The following RBFOX1 variants were observed in gnomAD, a reference collection of about 807,000 sequenced individuals.
RBFOX1 encodes the protein RNA binding fox-1 homolog 1.
A neutral mutation model predicts 57.7 loss-of-function variants in RBFOX1; 8 were observed. The observed-to-expected ratio is 0.14, with a 90% CI of 0.08 to 0.25. The LOEUF (loss-of-function observed/expected upper bound fraction) is 0.25. RBFOX1 is among the 10% of genes least tolerant of loss of function. RBFOX1 has a pLI of 1.00. For missense variants in RBFOX1, 611 were observed against 548.5 expected (o/e 1.11, Z -1.14); for synonymous variants, 326 against 222.4 (o/e 1.47, Z -4.15).
rs74010650 is a variant in RBFOX1 at position 7,352,338 on chromosome 16, C to G, written c.28-165809C>G. Among the ~76,000 whole-genome samples, 1,340 of 152,252 alleles carry G rather than the reference C, an allele frequency of 8.8e-3. 24 individuals carry two copies. Among genetic ancestry groups the G allele is most frequent in the African/African-American group, 0.031 (1,279 of 41,540 alleles). ...CCTTCCACTCTGGGCCTGATGATGA[C>G]CAAGTCGGAGAGAACTGAAGCTATA... is the stretch of plus-strand genomic sequence containing the variant. On this transcript the variant is annotated intron_variant, in intron 4 of 15. Transcript: ENST00000550418.
intron 5 of RBFOX1, among the ~76,000 whole-genome samples, chr16:7,555,225 C>G (rs1331946801): frequency 6.6e-6 from 1 of 152,162 alleles, no homozygotes; most frequent in African/African-American, 2.4e-5. Flanking sequence ...CACTTTTCTC[C>G]TTTGTTAAAA....
At position 7,427,271 on chromosome 16, in the gene RBFOX1, TAATAA is replaced by T. The variant is rs1044165403; in HGVS notation, c.28-90863_28-90859del. On this transcript the variant is annotated intron_variant, in intron 4 of 15. Coordinates refer to ENST00000550418, the MANE Select transcript of RBFOX1 (RefSeq NM_018723.4). Reference sequence around the variant, plus strand: ...CTAGAACTTAAAGTATAATAAAAATTAATAAAATAAAATAAAACCTCGAGTTTCTG... The same window carrying T: ...CTAGAACTTAAAGTATAATAAAAATTAATAAAATAAAACCTCGAGTTTCTG... 1.1e-3 allele frequency among the ~76,000 whole-genome samples: 162 copies of T among 152,228 alleles called. 1 individual carries two copies. Among genetic ancestry groups the T allele is most frequent in the Middle Eastern group, 3.4e-3 (1 of 294 alleles).
At chr16:6,240,361 A>G (rs2097533784) in intron 1 of RBFOX1, among the ~76,000 whole-genome samples, 1 of 152,088 alleles carries the variant, frequency 6.6e-6, no homozygotes, top group African/African-American at 2.4e-5. Context: ...GCTTATCTTA[A>G]AGTAACTGTT....
chr16:5,741,898 G>C (rs2052780919), intron 3 of RBFOX1, among the ~76,000 whole-genome samples: 1 of 152,158 alleles, frequency 6.6e-6, no homozygotes, highest in Non-Finnish European at 1.5e-5. Flanking sequence ...CCAGACTTTT[G>C]CTAAATACTG....
intron 4 of RBFOX1, among the ~76,000 whole-genome samples, chr16:5,940,459 C>A (rs1375966179): frequency 1.3e-5 from 2 of 152,148 alleles, no homozygotes; most frequent in African/African-American, 2.4e-5. Flanking sequence ...TCCAAGGTCA[C>A]CCACCTGGAA....
intron 5 of RBFOX1, among the ~76,000 whole-genome samples, chr16:7,576,905 C>T (rs1028718347): frequency 2.6e-5 from 4 of 152,178 alleles, no homozygotes; most frequent in African/African-American, 9.6e-5. Flanking sequence ...GCTACAGCAT[C>T]TGTAAACTCC....
intron 1 of RBFOX1, among the ~76,000 whole-genome samples, chr16:5,313,905 T>C (rs913065354): frequency 6.8e-6 from 1 of 147,360 alleles, no homozygotes; most frequent in Non-Finnish European, 1.5e-5. Flanking sequence ...TGTGGGTGGG[T>C]GGGTGGTGAT....
chr16:7,068,957 G>T (rs543850981), intron 4 of RBFOX1, among the ~76,000 whole-genome samples: 1 of 152,300 alleles, frequency 6.6e-6, no homozygotes, highest in East Asian at 1.9e-4. Flanking sequence ...AAGGTAATGA[G>T]AATGTAGAAA....
chr16:7,627,193 A>G (rs1171309945), intron 10 of RBFOX1, among the ~76,000 whole-genome samples: 5 of 151,750 alleles, frequency 3.3e-5, no homozygotes, highest in Non-Finnish European at 5.9e-5. Flanking sequence ...TTGACAAAAA[A>G]AAAAAAAAAG....
At chr16:6,614,393 A>G (rs939828458) in intron 2 of RBFOX1, among the ~76,000 whole-genome samples, 2 of 152,212 alleles carry the variant, frequency 1.3e-5, no homozygotes, top group Non-Finnish European at 1.5e-5. Flanking sequence ...GAATATTGGT[A>G]TCTGCCTAGA....
At chr16:5,761,380 A>T (rs2053583496) in intron 3 of RBFOX1, among the ~76,000 whole-genome samples, 1 of 152,218 alleles carries the variant, frequency 6.6e-6, no homozygotes, top group South Asian at 2.1e-4. Context: ...TTTCCCAAGG[A>T]ATATGTTCAT....
chr16:7,185,508 C>A (rs1406730215), intron 4 of RBFOX1, among the ~76,000 whole-genome samples: 2 of 152,140 alleles, frequency 1.3e-5, no homozygotes, highest in African/African-American at 4.8e-5. Flanking sequence ...CCTAATAATT[C>A]TTATGATAAC....
chr16:6,134,844 A>AT (rs34843224), intron 1 of RBFOX1, among the ~76,000 whole-genome samples: 9 of 150,792 alleles, frequency 6.0e-5, no homozygotes, highest in African/African-American at 1.2e-4. Context: ...CAGGCAGGCC[A>AT]TTTTTTTTTT....
At chr16:6,238,844 T>C (rs2097525023) in intron 1 of RBFOX1, among the ~76,000 whole-genome samples, 1 of 152,190 alleles carries the variant, frequency 6.6e-6, no homozygotes, top group African/African-American at 2.4e-5. Context: ...TGAAATAATT[T>C]TATCACGGAG....
At chr16:7,561,423 C>G (rs2090338988) in intron 5 of RBFOX1, among the ~76,000 whole-genome samples, 1 of 152,176 alleles carries the variant, frequency 6.6e-6, no homozygotes, top group African/African-American at 2.4e-5. Context: ...TTAGCATTTC[C>G]ATTTCCGAAC....
chr16:5,896,983 C>G (rs1177934898), intron 4 of RBFOX1, among the ~76,000 whole-genome samples: 1 of 146,600 alleles, frequency 6.8e-6, no homozygotes, highest in Non-Finnish European at 1.5e-5. Flanking sequence ...AATCATAAGG[C>G]TCTCCACCCC....
chr16:5,753,434 A>G (rs1334734978), intron 3 of RBFOX1, among the ~76,000 whole-genome samples: 1 of 152,164 alleles, frequency 6.6e-6, no homozygotes, highest in East Asian at 1.9e-4. Context: ...TGCGTTTTTC[A>G]CTTGAAAAAG....
At chr16:7,144,417 C>CTTCTTCTTTTTTT (rs3046798) in intron 4 of RBFOX1, among the ~76,000 whole-genome samples, 8 of 66,926 alleles carry the variant, frequency 1.2e-4, no homozygotes, top group African/African-American at 4.8e-4. Flanking sequence ...TTTCTTTCTT[C>CTTCTTCTTTTTTT]TTTTTTTTTT....
intron 1 of RBFOX1, among the ~76,000 whole-genome samples, chr16:6,284,221 C>G (rs1284557244): frequency 6.6e-6 from 1 of 152,118 alleles, no homozygotes; most frequent in Non-Finnish European, 1.5e-5. Context: ...CTTTTTCATG[C>G]TTTGGCTTTG....
Sources: gnomAD v4.1 joint callset for allele counts (sites outside exome capture counted in the v4.1 genomes callset) on GRCh38, gnomAD v4.1.1 for gene constraint, MANE v1.5 for transcripts, NCBI Gene and HGNC (gene_info 2026-07-23, HGNC 2026-07-21) for gene names.